Variants in KCNN2 observed in about 807,000 individuals in gnomAD.
KCNN2 encodes potassium calcium-activated channel subfamily N member 2.
In KCNN2, 24 loss-of-function variants were observed where a neutral mutation model predicts 55.5. That is an observed-to-expected ratio of 0.43 (90% CI 0.31 to 0.61). The LOEUF (loss-of-function observed/expected upper bound fraction) is 0.61. KCNN2 is among the 20% of genes least tolerant of loss of function. The pLI, the probability that KCNN2 is intolerant of heterozygous loss-of-function variation, is 0.08. For missense variants in KCNN2, 754 were observed against 853.6 expected (o/e 0.88, Z 1.45); for synonymous variants, 431 against 336.1 (o/e 1.28, Z -3.09).
chr5:114,223,503 T>C (rs1754185218), intron 2 of KCNN2, among the ~76,000 whole-genome samples: 1 of 152,134 alleles, frequency 6.6e-6, no homozygotes, highest in African/African-American at 2.4e-5. Context: ...TTAATGGTTT[T>C]GAAATTAAGA....
At chr5:114,213,457 A>G (rs1373884072) in intron 1 of KCNN2, among the ~76,000 whole-genome samples, 2 of 151,402 alleles carry the variant, frequency 1.3e-5, no homozygotes, top group Non-Finnish European at 1.5e-5. Flanking sequence ...ACATCCTCCA[A>G]TAAATTGTCA....
At chr5:114,145,801 G>A (rs1324922447) in intron 1 of KCNN2, among the ~76,000 whole-genome samples, 1 of 152,158 alleles carries the variant, frequency 6.6e-6, no homozygotes, top group African/African-American at 2.4e-5. Context: ...CAGGGTAGAA[G>A]GATCAGTGTC....
intron 1 of KCNN2, among the ~76,000 whole-genome samples, chr5:114,139,147 C>T (rs1752225286): frequency 6.6e-6 from 1 of 152,086 alleles, no homozygotes; most frequent in Non-Finnish European, 1.5e-5. Context: ...ATGGCAACCT[C>T]TCTGTTATTT....
intron 1 of KCNN2, among the ~76,000 whole-genome samples, chr5:114,112,038 T>C (rs180759056): frequency 6.6e-6 from 1 of 152,328 alleles, no homozygotes; most frequent in East Asian, 1.9e-4. Context: ...TGTATGTTTA[T>C]TGCAGCACTA....
intron 1 of KCNN2, among the ~76,000 whole-genome samples, chr5:114,134,022 G>C (rs79143392): frequency 3.3e-5 from 5 of 152,106 alleles, no homozygotes; most frequent in African/African-American, 7.2e-5. Flanking sequence ...GCTGGATGCA[G>C]TTCATCAGGA....
At chr5:114,252,460 G>C (rs145433812) in intron 2 of KCNN2, among the ~76,000 whole-genome samples, 56 of 152,208 alleles carry the variant, frequency 3.7e-4, no homozygotes, top group Admixed American at 1.0e-3. Flanking sequence ...AGGATGCATA[G>C]TTCTGCATTT....
At chr5:114,312,508 A>G (rs1289866453) in intron 2 of KCNN2, among the ~76,000 whole-genome samples, 9 of 134,366 alleles carry the variant, frequency 6.7e-5, no homozygotes, top group Non-Finnish European at 1.4e-4. Context: ...CTCTTGTACA[A>G]ACCCCCATAT....
At chr5:114,099,258 C>T (rs1488932542) in intron 1 of KCNN2, among the ~76,000 whole-genome samples, 3 of 151,888 alleles carry the variant, frequency 2.0e-5, no homozygotes, top group Non-Finnish European at 4.4e-5. Context: ...GGTTTCTCAG[C>T]GTGATTATAT....
intron 1 of KCNN2, among the ~76,000 whole-genome samples, chr5:114,094,208 T>A (rs1367951360): frequency 6.6e-6 from 1 of 151,204 alleles, no homozygotes; most frequent in African/African-American, 2.4e-5. Flanking sequence ...TGGATATCTG[T>A]GTAGCTGTTT....
intron 1 of KCNN2, among the ~76,000 whole-genome samples, chr5:114,080,913 A>G (rs933349509): frequency 5.3e-5 from 8 of 152,172 alleles, no homozygotes; most frequent in African/African-American, 1.7e-4. Flanking sequence ...AGATGGTATG[A>G]TCTTATACTT....
At chr5:114,157,523 T>C (rs1337404078) in intron 1 of KCNN2, among the ~76,000 whole-genome samples, 2 of 152,168 alleles carry the variant, frequency 1.3e-5, no homozygotes, top group Non-Finnish European at 2.9e-5. Context: ...ATATACCCAG[T>C]AATGGGATGG....
intron 1 of KCNN2, among the ~76,000 whole-genome samples, chr5:114,127,768 G>T (rs2112606908): frequency 6.6e-6 from 1 of 152,210 alleles, no homozygotes; most frequent in African/African-American, 2.4e-5. Context: ...TTTATGCTCT[G>T]CTTTCTCTTG....
At chr5:114,165,792 A>G (rs1561505722) in intron 1 of KCNN2, among the ~76,000 whole-genome samples, 3 of 152,118 alleles carry the variant, frequency 2.0e-5, no homozygotes, top group African/African-American at 4.8e-5. Flanking sequence ...TTTACTGTTT[A>G]TGGCATTGGT....
intron 1 of KCNN2, among the ~76,000 whole-genome samples, chr5:114,174,013 C>A (rs1474199122): frequency 1.3e-5 from 2 of 151,932 alleles, no homozygotes; most frequent in Non-Finnish European, 2.9e-5. Context: ...ATGAAAGAGC[C>A]TTTACATGTC....
intron 4 of KCNN2, among the ~76,000 whole-genome samples, chr5:114,465,615 C>CAAA (rs574328581): frequency 1.6e-5 from 2 of 122,556 alleles, no homozygotes; most frequent in African/African-American, 2.9e-5. Flanking sequence ...TCCATCATCT[C>CAAA]AAAAAAAAAA....
intron 3 of KCNN2, among the ~76,000 whole-genome samples, chr5:114,432,790 C>T (rs941830776): frequency 2.0e-5 from 3 of 152,214 alleles, no homozygotes; most frequent in Non-Finnish European, 4.4e-5. Flanking sequence ...CCGGCCAGCC[C>T]TGCCGGCCCG....
chr5:114,374,185 C>T (rs949028480), intron 2 of KCNN2, among the ~76,000 whole-genome samples: 5 of 152,118 alleles, frequency 3.3e-5, no homozygotes, highest in Admixed American at 3.3e-4. Context: ...TTAACTCCTT[C>T]AGGCATCACA....
chr5:114,321,158 A>G (rs1756607012), intron 2 of KCNN2, among the ~76,000 whole-genome samples: 1 of 152,128 alleles, frequency 6.6e-6, no homozygotes, highest in African/African-American at 2.4e-5. Flanking sequence ...CATTGAGTTG[A>G]TTGCTGGGGA....
chr5:114,234,875 T>C (rs1754442155), intron 2 of KCNN2, among the ~76,000 whole-genome samples: 1 of 152,196 alleles, frequency 6.6e-6, no homozygotes, highest in African/African-American at 2.4e-5. Flanking sequence ...ACTCTTCATT[T>C]GGTTAAGCAA....
Sources: gnomAD v4.1 joint callset for allele counts (sites outside exome capture counted in the v4.1 genomes callset) on GRCh38, gnomAD v4.1.1 for gene constraint, MANE v1.5 for transcripts, NCBI Gene and HGNC (gene_info 2026-07-23, HGNC 2026-07-21) for gene names.